The following MACF1 variants were observed in gnomAD, a reference collection of about 807,000 sequenced individuals.
MACF1 encodes microtubule actin crosslinking factor 1, also known as microtubule-actin cross-linking factor 1.
Under a neutral mutation model 854.8 loss-of-function variants are expected in MACF1, and 193 were observed. The ratio of observed to expected loss-of-function variants is 0.23; its 90% CI spans 0.20 to 0.25. MACF1 has a LOEUF of 0.25. MACF1 is among the 10% of genes least tolerant of loss of function. The pLI, the probability that MACF1 is intolerant of heterozygous loss-of-function variation, is 1.00. For synonymous variants in MACF1, 3,185 were observed against 3,226.7 expected (o/e 0.99, Z 0.44); for missense variants, 7,722 against 8,929.1 (o/e 0.86, Z 5.45).
At chr1:39,455,723 A>G (rs1644422761) in intron 89 of MACF1, among the ~76,000 whole-genome samples, 1 of 152,176 alleles carries the variant, frequency 6.6e-6, no homozygotes, top group African/African-American at 2.4e-5. Flanking sequence ...ACTGGTCCCC[A>G]TTATACCTGG....
chr1:39,322,425 C>T (rs886802990), intron 31 of MACF1, among the ~76,000 whole-genome samples, 183 bp from the exon 32 acceptor site: 1 of 152,172 alleles, frequency 6.6e-6, no homozygotes, highest in Admixed American at 6.5e-5. Flanking sequence ...GCTGCTTTCA[C>T]TTATAATGAG....
intron 2 of MACF1, among the ~76,000 whole-genome samples, chr1:39,151,108 C>T (rs1393029806): frequency 1.3e-5 from 2 of 152,196 alleles, no homozygotes; most frequent in Admixed American, 6.5e-5. Flanking sequence ...GCTTTTCTCT[C>T]TCTTACTCCT....
intron 5 of MACF1, chr1:39,254,618 A>G (rs1025397194): frequency 1.6e-5 from 7 of 436,648 alleles, no homozygotes; most frequent in African/African-American, 8.0e-5. Flanking sequence ...GATGATAAAG[A>G]TGGAATTTTG....
chr1:39,282,103 G>T, intron 6 of MACF1, 105 bp from the exon 7 acceptor site: 1 of 1,187,154 alleles, frequency 8.4e-7, no homozygotes, highest in Non-Finnish European at 1.2e-6. Context: ...AGTGCTTCCA[G>T]CCTTGGACCT....
intron 2 of MACF1, among the ~76,000 whole-genome samples, chr1:39,086,771 G>A (rs1641683632): frequency 6.6e-6 from 1 of 152,206 alleles, no homozygotes; most frequent in East Asian, 1.9e-4. Flanking sequence ...AGGCTCCTAA[G>A]GACCCTGCTG....
chr1:39,212,782 C>T (rs1313231279), intron 1 of MACF1, among the ~76,000 whole-genome samples: 2 of 152,100 alleles, frequency 1.3e-5, no homozygotes, highest in African/African-American at 4.8e-5. Flanking sequence ...GCCGCCATGC[C>T]CGGCTAATTT....
chr1:39,194,622 C>T (rs923109846), intron 2 of MACF1, among the ~76,000 whole-genome samples: 20 of 151,750 alleles, frequency 1.3e-4, no homozygotes, highest in Non-Finnish European at 2.1e-4. Context: ...GGATTACAGG[C>T]GTGAGCCACC....
chr1:39,114,704 C>G (rs1031544749), intron 2 of MACF1, among the ~76,000 whole-genome samples: 9 of 152,174 alleles, frequency 5.9e-5, no homozygotes, highest in African/African-American at 2.2e-4. Context: ...GTCCTTGTCT[C>G]TCTATGATCT....
intron 2 of MACF1, among the ~76,000 whole-genome samples, chr1:39,102,434 C>G (rs117163389): frequency 0.037 from 2,543 of 69,044 alleles, 50 homozygotes; most frequent in Non-Finnish European, 0.051. Context: ...TAATTGGAGG[C>G]GGGGGGGGGG....
chr1:39,148,273 T>C (rs1037814874), intron 2 of MACF1, among the ~76,000 whole-genome samples: 6 of 152,156 alleles, frequency 3.9e-5, no homozygotes, highest in Admixed American at 3.9e-4. Context: ...ATTTGTAGAA[T>C]TGTTGGGCTG....
chr1:39,326,023 T>C (rs374500825), intron 35 of MACF1, among the ~76,000 whole-genome samples: 2 of 151,986 alleles, frequency 1.3e-5, no homozygotes, highest in African/African-American at 2.4e-5. Flanking sequence ...TTTGATTGAT[T>C]TGGGGTTGGG....
intron 1 of MACF1, among the ~76,000 whole-genome samples, chr1:39,212,711 C>T (rs1644531381): frequency 6.6e-6 from 1 of 152,214 alleles, no homozygotes; most frequent in Non-Finnish European, 1.5e-5. Flanking sequence ...CAACCTCTGC[C>T]TCTGGAGTTC....
chr1:39,413,087 C>T (rs562590902), intron 58 of MACF1: 1 of 1,604,248 alleles, frequency 6.2e-7, no homozygotes, highest in African/African-American at 1.3e-5. Context: ...GCAGCCATCA[C>T]ACAGGAGGGT....
chr1:39,233,797 TATTTA>T lies in MACF1; in HGVS notation c.171+2555_171+2559del, dbSNP rs1484723991. ...TAGCTTTTTTTTTTTTTTTTTTTTT[TATTTA>T]TTTTTTATTGATAATTCTTGGGTGT... On this transcript the variant is annotated intron_variant, in intron 2 of 100. Coordinates refer to ENST00000564288, the MANE Select transcript of MACF1 (RefSeq NM_001394062.1). 1.7e-3 allele frequency among the ~76,000 whole-genome samples: 131 copies of T among 78,690 alleles called. 16 individuals are homozygous for T. The highest frequency in any genetic ancestry group is 0.011 in the East Asian group (33 of 2,984). 51.6% of individuals were successfully genotyped at this position (78,690 alleles called of 152,430 possible).
Position 39,406,756 on chromosome 1 carries a change from A to AAAAAAAAAAAAAAAAAAAAAAAAAAC in MACF1, c.15817-15616_15817-15615insAAAAAAAAAAAAAAAAAAAAAAACAA, listed in dbSNP as rs746955922. Among the ~76,000 whole-genome samples, 53 of 116,064 alleles carry AAAAAAAAAAAAAAAAAAAAAAAAAAC rather than the reference A, an allele frequency of 4.6e-4. 13 individuals are homozygous for AAAAAAAAAAAAAAAAAAAAAAAAAAC. Among genetic ancestry groups the AAAAAAAAAAAAAAAAAAAAAAAAAAC allele is most frequent in the African/African-American group, 1.3e-3 (34 of 26,084 alleles). The allele number at this position is 116,064 out of a possible 152,430, so 76.1% of individuals were successfully genotyped here. A position where few individuals can be genotyped will look rare whatever the true frequency, so the allele number is the denominator to read the frequency against. ...TCTCACTCAAAAAAAAAAAAAAAAA[A>AAAAAAAAAAAAAAAAAAAAAAAAAAC]AACATTCTTTATAATAGAATAACCA... is the stretch of plus-strand genomic sequence containing the variant. On this transcript the variant is annotated intron_variant, in intron 58 of 100. Coordinates refer to ENST00000564288, the MANE Select transcript of MACF1 (RefSeq NM_001394062.1).
At chr1:39,344,933 G>A (rs890436588) in intron 40 of MACF1, among the ~76,000 whole-genome samples, 3 of 152,114 alleles carry the variant, frequency 2.0e-5, no homozygotes, top group African/African-American at 7.2e-5. Flanking sequence ...CCACCTGACC[G>A]TCACCTGATG....
In MACF1 at chr1:39,447,560, T is replaced by A; in HGVS notation, c.19734T>A (p.Thr6578=). 6.2e-7 allele frequency: 1 copy of A among 1,614,222 alleles called. No homozygotes were observed. Among genetic ancestry groups the A allele is most frequent in the Non-Finnish European group, 8.5e-7 (1 of 1,180,040 alleles). The change falls in exon 81 of 101, where the codon ACT becomes ACA. Residue 6578 remains threonine (T), a synonymous_variant. Coordinates refer to ENST00000564288, the MANE Select transcript of MACF1 (RefSeq NM_001394062.1). The part of the protein sequence containing the change: ...IASPPSLILN[T]VLSQIEEHKV... ...CTCCACCAAGCCTGATTCTAAATAC[T>A]GTCCTTTCCCAGATAGAAGAGCACA... is the stretch of plus-strand genomic sequence containing the variant.
At chr1:39,269,672 C>T (rs186235960) in intron 6 of MACF1, 2 of 1,289,752 alleles carry the variant, frequency 1.6e-6, no homozygotes, top group East Asian at 1.1e-4. Context: ...AAGAGGATGG[C>T]ACTCTTTCTC....
chr1:39,084,253 G>C lies in MACF1; in HGVS notation c.35G>C (p.Arg12Pro). The stretch of plus-strand genomic sequence containing the variant: ...TCAGATGAAGAGACGCTCAGTGAGC[G>C]GTCATGTCGGAGTGAGCGGTCTTGT... Residue 12 changes from arginine to proline, a missense_variant, in exon 2 of 94, where the codon CGG becomes CCG. Transcript: ENST00000361689. This position sits in a 1 kb window ranked among gnomAD's most constrained non-coding sequence, Gnocchi z 5.2. The C allele has an allele frequency of 6.2e-7, 1 of 1,612,806 alleles. No individual in the cohort carries two copies. Among genetic ancestry groups the C allele is most frequent in the Non-Finnish European group, 8.5e-7 (1 of 1,179,250 alleles).
Sources: allele counts gnomAD v4.1 joint callset (sites outside exome capture counted in the v4.1 genomes callset), GRCh38; gene constraint gnomAD v4.1.1; non-coding constraint Gnocchi (gnomAD v3.1); transcripts MANE v1.5; gene names NCBI Gene and HGNC (gene_info 2026-07-23, HGNC 2026-07-21).